MDGA1: variants seen among roughly 807,000 people sequenced by gnomAD.
MDGA1 encodes MAM domain-containing glycosylphosphatidylinositol anchor protein 1.
In MDGA1, 54 loss-of-function variants were observed where a neutral mutation model predicts 101.5. The observed-to-expected ratio is 0.53, with a 90% confidence interval of 0.43 to 0.67. The LOEUF (loss-of-function observed/expected upper bound fraction) is 0.67, where lower values mean the gene tolerates loss of function less well. MDGA1 is among the 30% of genes least tolerant of loss of function. MDGA1 has a pLI of 0.00. For missense variants in MDGA1, 1,083 were observed against 1,323.8 expected (o/e 0.82, Z 2.82); for synonymous variants, 533 against 558.3 (o/e 0.95, Z 0.64).
chr6:37,692,888 G>A (rs973366248), intron 1 of MDGA1, among the ~76,000 whole-genome samples: 6 of 152,104 alleles, frequency 3.9e-5, no homozygotes, highest in African/African-American at 1.2e-4. Flanking sequence ...TAGAGCCCCC[G>A]CCCACCCATG....
chr6:37,679,188 T>C (rs544116526), intron 1 of MDGA1, among the ~76,000 whole-genome samples: 1 of 152,262 alleles, frequency 6.6e-6, no homozygotes, highest in East Asian at 1.9e-4. Flanking sequence ...ATTATAATGC[T>C]GAGCCTCTGA....
At chr6:37,674,443 G>A (rs896727703) in intron 1 of MDGA1, among the ~76,000 whole-genome samples, 1 of 152,234 alleles carries the variant, frequency 6.6e-6, no homozygotes, top group Non-Finnish European at 1.5e-5. Context: ...TGGAGCTTCT[G>A]GGAGAGGCTG....
chr6:37,662,002 AG>A, intron 2 of MDGA1, among the ~76,000 whole-genome samples: 1 of 143,366 alleles, frequency 7.0e-6, no homozygotes. Context: ...AAAAAAAAAA[AG>A]AAAAGAAAAA....
At chr6:37,671,563 C>T (rs915661227) in intron 1 of MDGA1, among the ~76,000 whole-genome samples, 2 of 152,168 alleles carry the variant, frequency 1.3e-5, no homozygotes, top group Non-Finnish European at 2.9e-5. Flanking sequence ...TTTTCCTCCC[C>T]AAAAATTATA....
chr6:37,678,845 C>T (rs1330140148), intron 1 of MDGA1, among the ~76,000 whole-genome samples: 5 of 150,394 alleles, frequency 3.3e-5, no homozygotes, highest in Non-Finnish European at 7.4e-5. Context: ...TATGCATGTT[C>T]GTAACACTCA....
chr6:37,653,957 A>G (rs1376428001), intron 6 of MDGA1, among the ~76,000 whole-genome samples: 1 of 149,984 alleles, frequency 6.7e-6, no homozygotes, highest in African/African-American at 2.5e-5. Context: ...TAGCTTTTGC[A>G]GCCTCAGTTT....
intron 1 of MDGA1, among the ~76,000 whole-genome samples, chr6:37,678,203 C>T (rs13195917): frequency 2.0e-5 from 3 of 152,256 alleles, no homozygotes; most frequent in Non-Finnish European, 4.4e-5. Flanking sequence ...AGTGGGAACA[C>T]GTTGTCTCCC....
At position 37,655,123 on chromosome 6, in the gene MDGA1, T is replaced by C; in HGVS notation, c.580-191A>G. On this transcript the variant is annotated intron_variant, in intron 4 of 16. Coordinates refer to ENST00000434837, the MANE Select transcript of MDGA1 (RefSeq NM_153487.4). The surrounding 1 kb of genome is among the most constrained non-coding windows in gnomAD (Gnocchi z 5.1). ...GTGGATGCTACACTCTCCATAGCCT[T>C]GGCAGTGCCTCATCATGGGATTCTC... is the stretch of plus-strand genomic sequence containing the variant. 1.5e-6 allele frequency: 1 copy of C among 648,728 alleles called. No homozygotes were observed. The highest frequency in any genetic ancestry group is 2.0e-5 in the South Asian group (1 of 50,198). The allele number at this position is 648,728 out of a possible 1,614,324, so 40.2% of individuals were successfully genotyped here. A position where few individuals can be genotyped will look rare whatever the true frequency, so the allele number is the denominator to read the frequency against.
chr6:37,692,665 C>G (rs1217756469), intron 1 of MDGA1, among the ~76,000 whole-genome samples: 2 of 150,986 alleles, frequency 1.3e-5, no homozygotes, highest in African/African-American at 4.9e-5. Flanking sequence ...TCCATTCTCC[C>G]TACAGATTCC....
chr6:37,692,249 T>TAC (rs142247052), intron 1 of MDGA1, among the ~76,000 whole-genome samples: 1,590 of 152,166 alleles, frequency 0.01, 30 homozygotes, highest in African/African-American at 0.036. Flanking sequence ...CGTAGGCAGT[T>TAC]ACACACACAC....
Position 37,655,194 on chromosome 6 carries a change from G to A in MDGA1, c.580-262C>T. The A allele has an allele frequency of 3.8e-6, 2 of 523,786 alleles. No individual in the cohort carries two copies. Among genetic ancestry groups the A allele is most frequent in the South Asian group, 2.6e-5 (1 of 38,834 alleles). 32.4% of individuals were successfully genotyped at this position (523,786 alleles called of 1,614,324 possible). ...TGCACACTGGCAAGTACCAGGCCTT[G>A]GTTTCTCCAGTCTGGGAAACGGAGG... On this transcript the variant is annotated intron_variant, in intron 4 of 16. Transcript: ENST00000434837. This position sits in a 1 kb window ranked among gnomAD's most constrained non-coding sequence, Gnocchi z 5.1.
At chr6:37,649,812 C>G (rs62398392) in intron 8 of MDGA1, 25,375 of 618,202 alleles carry the variant, frequency 0.041, 826 homozygotes, top group African/African-American at 0.11. Flanking sequence ...GACAGTGTTT[C>G]CCTTGAGTGT....
chr6:37,637,524 G>T, intron 16 of MDGA1, 65 bp from the exon 17 acceptor site: 2 of 1,441,832 alleles, frequency 1.4e-6, no homozygotes, highest in East Asian at 2.3e-5. Context: ...GGCAGGAAGT[G>T]GCAGGCAGGT....
chr6:37,683,789 T>G (rs1481080486), intron 1 of MDGA1, among the ~76,000 whole-genome samples: 1 of 152,242 alleles, frequency 6.6e-6, no homozygotes, highest in Non-Finnish European at 1.5e-5. Context: ...CCTGTCTCGC[T>G]TCCCCATTCC....
In MDGA1 at chr6:37,652,911, C is replaced by T. The variant is rs1319811133; in HGVS notation, c.983-571G>A. Among the ~76,000 whole-genome samples, 19 of 152,216 alleles carry T rather than the reference C, an allele frequency of 1.2e-4. No individual in the cohort carries two copies. Among genetic ancestry groups the T allele is most frequent in the Admixed American group, 1.2e-3 (19 of 15,286 alleles). ...AATTGACAATTGAATTCTTACATTTCACTCTTTTGTGCTGTTTGACTCTTT... is the reference window on the plus strand; with the variant it reads ...AATTGACAATTGAATTCTTACATTTTACTCTTTTGTGCTGTTTGACTCTTT... On this transcript the variant is annotated intron_variant, in intron 6 of 16. Coordinates refer to ENST00000434837, the MANE Select transcript of MDGA1 (RefSeq NM_153487.4). The surrounding 1 kb of genome is among the most constrained non-coding windows in gnomAD (Gnocchi z 4.3).
Position 37,696,162 on chromosome 6 carries a change from A to G in MDGA1, c.67+583T>C, listed in dbSNP as rs78897522. On this transcript the variant is annotated intron_variant, in intron 1 of 16. Coordinates refer to ENST00000434837, the MANE Select transcript of MDGA1 (RefSeq NM_153487.4). This position sits in a 1 kb window ranked among gnomAD's most constrained non-coding sequence, Gnocchi z 5.6. ...GTAGCCAAGAACCGGGGACAGGAAG[A>G]ACTGGTTCAGGGAAGGTCCGAAAAG... is the stretch of plus-strand genomic sequence containing the variant. Among the ~76,000 whole-genome samples, 75 of 152,260 alleles carry G rather than the reference A, an allele frequency of 4.9e-4. No individual in the cohort carries two copies. In the East Asian group the frequency reaches 0.014, roughly 28 times the overall value.
Position 37,637,178 on chromosome 6 carries a change from C to A in MDGA1, c.*190G>T. The A allele has an allele frequency of 1.8e-6, 1 of 566,364 alleles. No homozygotes were observed. Among genetic ancestry groups the A allele is most frequent in the Admixed American group, 3.1e-5 (1 of 31,760 alleles). The allele number at this position is 566,364 out of a possible 1,614,324, so 35.1% of individuals were successfully genotyped here. A position where few individuals can be genotyped will look rare whatever the true frequency, so the allele number is the denominator to read the frequency against. ...GTGTGCGTGTGTGCAAGTGGAACAG[C>A]TGTCTCCAGGGCCTCAGTGCCTGGC... On this transcript the variant is annotated 3_prime_UTR_variant, in exon 17 of 17. Transcript: ENST00000434837.
rs1286221782 is a variant in MDGA1, at chr6:37,654,560, G to A, written c.713-17C>T. On this transcript the variant is annotated splice_polypyrimidine_tract_variant and intron_variant, in intron 5 of 16. Coordinates refer to ENST00000434837, the MANE Select transcript of MDGA1 (RefSeq NM_153487.4). ...CTGGTGGTGCTAAGAGGACAAGGAG[G>A]GGGGTCTTAGGGGACTGTGAGGCAG... The A allele has an allele frequency of 6.2e-7, 1 of 1,613,992 alleles. No homozygotes were observed. Among genetic ancestry groups the A allele is most frequent in the Admixed American group, 1.7e-5 (1 of 60,032 alleles).
rs562161736 is a variant in MDGA1 at position 37,645,939 on chromosome 6, G to A, written c.2242C>T (p.Leu748Phe). 23 of 1,614,018 alleles carry A rather than the reference G, an allele frequency of 1.4e-5. No homozygotes were observed. In the South Asian group the frequency reaches 2.4e-4, roughly 17 times the overall value. The change falls in exon 12 of 17, where the codon CTT (leucine) becomes TTT (phenylalanine). Residue 748 changes from leucine (L) to phenylalanine (F), a missense_variant. Around this residue, in one of 3 missense-constraint regions of MDGA1, gnomAD observed 657 missense variants for 771.4 expected, o/e 0.85. Coordinates refer to ENST00000434837, the MANE Select transcript of MDGA1 (RefSeq NM_153487.4). ...HYTEPINSPN[L>F]SDNTCHFEDE... ...GGTGACTGGGGAGTCTCACCTGAAA[G>A]GTTCGGAGAGTTGATGGCTGAGAAA... is the stretch of plus-strand genomic sequence containing the variant.
Sources: allele counts gnomAD v4.1 joint callset (sites outside exome capture counted in the v4.1 genomes callset), GRCh38; gene constraint gnomAD v4.1.1; regional missense constraint gnomAD v4.1.1; non-coding constraint Gnocchi (gnomAD v3.1); transcripts MANE v1.5; gene names NCBI Gene and HGNC (gene_info 2026-07-23, HGNC 2026-07-21).